Variants in C16orf90 observed in about 807,000 individuals in gnomAD.
C16orf90 encodes the protein chromosome 16 open reading frame 90.
A neutral mutation model predicts 17.1 loss-of-function variants in C16orf90; 17 were observed. The observed-to-expected ratio is 1.00, with a 90% CI of 0.68 to 1.49. The LOEUF (loss-of-function observed/expected upper bound fraction) is 1.49, where lower values mean the gene tolerates loss of function less well. Among genes scored for constraint, C16orf90 ranks in the 40% most tolerant of loss-of-function variants. The pLI, the probability that C16orf90 is intolerant of heterozygous loss-of-function variation, is 0.00. For synonymous variants in C16orf90, 108 were observed against 95.8 expected, an observed-to-expected ratio of 1.13 and a Z score of -0.75; for missense variants, 255 against 235.5, an observed-to-expected ratio of 1.08 and a Z score of -0.54.
At chr16:3,494,366 G>C (rs543771814) in intron 2 of C16orf90, among the ~76,000 whole-genome samples, 158 bp downstream of exon 2, 17 of 152,184 alleles carry the variant, frequency 1.1e-4, no homozygotes, top group African/African-American at 3.1e-4. Flanking sequence ...TTAGCTGTGC[G>C]TGATGCAGAG....
At chr16:3,495,322 G>C (rs984990493) in intron 1 of C16orf90, 54 bp downstream of exon 1, 3 of 1,565,470 alleles carry the variant, frequency 1.9e-6, no homozygotes, top group East Asian at 4.7e-5. Flanking sequence ...TTTGGGCCCA[G>C]GTGGGGACAG....
At chr16:3,495,601 G>A, upstream of C16orf90, 1 of 1,342,804 alleles carries the variant, frequency 7.4e-7, no homozygotes, top group Non-Finnish European at 9.9e-7. Flanking sequence ...CAAGGCAAGG[G>A]CAGGGTGAAA....
rs946061681 is a variant in C16orf90 at position 3,495,481 on chromosome 16, C to A, written c.-60G>T. 5.0e-6 allele frequency: 8 copies of A among 1,584,746 alleles called. No homozygotes were observed. In the African/African-American group the frequency reaches 1.1e-4, roughly 21 times the overall value. On this transcript the variant is annotated 5_prime_UTR_variant, in exon 1 of 3. Coordinates refer to ENST00000437192, the MANE Select transcript of C16orf90 (RefSeq NM_001080524.2). ...CTTGGGTGCAGCAGGGCCCTGCTCT[C>A]CCCTGCCTAGGGGGTACATTGGCAG...
chr16:3,494,394 A>C, intron 2 of C16orf90, 130 bp downstream of exon 2: 1 of 740,924 alleles, frequency 1.3e-6, no homozygotes, highest in Non-Finnish European at 2.3e-6. Flanking sequence ...CAGATTCATC[A>C]AGATCTTGGC....
rs1422183341 is a variant in C16orf90 at position 3,494,629 on chromosome 16, T to C, written c.295A>G (p.Thr99Ala). Residue 99 changes from threonine (T) to alanine (A), a missense_variant, in exon 2 of 3, where the codon ACA becomes GCA. Physicochemically the swap from Thr to Ala is moderately conservative, Grantham distance 58. Coordinates refer to ENST00000437192, the MANE Select transcript of C16orf90 (RefSeq NM_001080524.2). ...TGTGGCAGGTCCAGGGCCCAGGCTGTGCCCTCAGGCTGTGGCAGGCAGCCC... is the reference window on the plus strand; with the variant it reads ...TGTGGCAGGTCCAGGGCCCAGGCTGCGCCCTCAGGCTGTGGCAGGCAGCCC... ...AGGCLPQPEG[T>A]AWALDLPQGT... The C allele has an allele frequency of 3.1e-6, 5 of 1,611,904 alleles. No homozygotes were observed. In the African/African-American group the frequency reaches 4.0e-5, roughly 13 times the overall value.
At chr16:3,495,010 G>T in intron 1 of C16orf90, 133 bp from the exon 2 acceptor site, 1 of 702,894 alleles carries the variant, frequency 1.4e-6, no homozygotes, top group Non-Finnish European at 2.3e-6. Flanking sequence ...CAGTTTACCT[G>T]TGTGTCAAAT....
chr16:3,495,857 G>C (rs2037301444), upstream of C16orf90, among the ~76,000 whole-genome samples: 1 of 152,184 alleles, frequency 6.6e-6, no homozygotes, highest in South Asian at 2.1e-4. Flanking sequence ...TGTAATCCCA[G>C]CACTGTGGGA....
chr16:3,493,734 C>G lies in C16orf90; in HGVS notation c.*105G>C, dbSNP rs75072041. On this transcript the variant is annotated 3_prime_UTR_variant, in exon 3 of 3. Coordinates refer to ENST00000437192, the MANE Select transcript of C16orf90 (RefSeq NM_001080524.2). ...CCTGGGCGCTGGGCCGCTGCCTGGG[C>G]CACCCCATGTGGCAGGGCCACTGCC... 0.031 allele frequency: 37,149 copies of G among 1,190,728 alleles called. 1,295 individuals carry two copies. The highest frequency in any genetic ancestry group is 0.15 in the African/African-American group (9,641 of 65,328). The allele number at this position is 1,190,728 out of a possible 1,614,324, so 73.8% of individuals were successfully genotyped here.
chr16:3,494,533 C>G lies in C16orf90; in HGVS notation c.391G>C (p.Gly131Arg). The change falls in exon 2 of 3, where the codon GGA (glycine) becomes CGA (arginine). Residue 131 changes from glycine (G) to arginine (R), a missense_variant. Physicochemically the swap from Gly to Arg is moderately radical, Grantham distance 125. Transcript: ENST00000437192. ...LEARLPRDSL[G>R]SSASSSSMDP... ...CCTTGACAGAGCTCACCACTGCTTC[C>G]CAGGCTGTCCCTGGGCAATCGGGCT... 3 of 1,612,742 alleles carry G rather than the reference C, an allele frequency of 1.9e-6. No individual in the cohort carries two copies. The highest frequency in any genetic ancestry group is 2.5e-6 in the Non-Finnish European group (3 of 1,179,764).
chr16:3,493,852 A>G lies in C16orf90; in HGVS notation c.536T>C (p.Leu179Pro). Residue 179 changes from leucine (L) to proline (P), a missense_variant, in exon 3 of 3, where the codon CTG (leucine) becomes CCG (proline). Transcript: ENST00000437192. ...PLCKRTRSGA[L>P]ERP ...CACTCGGGATCCCTATGGCCTCTCC[A>G]GGGCCCCAGAGCGGGTTCTCTTGCA... 2 of 1,602,888 alleles carry G rather than the reference A, an allele frequency of 1.2e-6. No individual in the cohort carries two copies. The highest frequency in any genetic ancestry group is 8.5e-7 in the Non-Finnish European group (1 of 1,175,230).
rs756364790 is a variant in C16orf90, at chr16:3,493,632, A to G, written c.*207T>C. 30 of 474,194 alleles carry G rather than the reference A, an allele frequency of 6.3e-5. No homozygotes were observed. Among genetic ancestry groups the G allele is most frequent in the Non-Finnish European group, 1.1e-4 (29 of 259,950 alleles). 29.4% of individuals were successfully genotyped at this position (474,194 alleles called of 1,614,324 possible). A position where few individuals can be genotyped will look rare whatever the true frequency, so the allele number is the denominator to read the frequency against. On this transcript the variant is annotated 3_prime_UTR_variant, in exon 3 of 3. Transcript: ENST00000437192. ...CTAAGCAGGCTGCAAGGGCACGGCC[A>G]TGCTTCTATTGCTTCTGCCCCTCCC...
At chr16:3,495,243 G>A (rs879657092) in intron 1 of C16orf90, 133 bp downstream of exon 1, 40 of 1,044,116 alleles carry the variant, frequency 3.8e-5, no homozygotes, top group Non-Finnish European at 5.5e-5. Context: ...CCAGCCCAGG[G>A]GCTCATGGCC....
In C16orf90 at chr16:3,494,894, G is replaced by A. The variant is rs376670739; in HGVS notation, c.47-17C>T. 373 of 1,488,718 alleles carry A rather than the reference G, an allele frequency of 2.5e-4. No homozygotes were observed. The highest frequency in any genetic ancestry group is 3.8e-4 in the South Asian group (28 of 74,048). 92.2% of individuals were successfully genotyped at this position (1,488,718 alleles called of 1,614,324 possible). The stretch of plus-strand genomic sequence containing the variant: ...TCACTGCATCTGCAGAGGAGACAGC[G>A]GGAGGGTGGTGGCCAGCCCCCCACA... On this transcript the variant is annotated splice_polypyrimidine_tract_variant and intron_variant, in intron 1 of 2. Coordinates refer to ENST00000437192, the MANE Select transcript of C16orf90 (RefSeq NM_001080524.2).
upstream of C16orf90, among the ~76,000 whole-genome samples, chr16:3,495,800 G>A (rs896839270): frequency 2.6e-5 from 4 of 152,032 alleles, no homozygotes. Context: ...GACCTAGGTC[G>A]GTACTTTGAA....
intron 2 of C16orf90, 109 bp from the exon 3 acceptor site, chr16:3,494,096 A>G: frequency 1.1e-6 from 1 of 930,960 alleles, no homozygotes; most frequent in Non-Finnish European, 1.6e-6. Context: ...TTGAAAACAG[A>G]AGGGAGGAGG....
At chr16:3,494,491 C>T (rs1474960817) in intron 2 of C16orf90, 33 bp downstream of exon 2, 2 of 1,581,826 alleles carry the variant, frequency 1.3e-6, no homozygotes, top group African/African-American at 2.7e-5. Flanking sequence ...TAGGGTCTTC[C>T]CCCGTGCCCA....
In C16orf90 at chr16:3,494,512, G is replaced by C. The variant is rs61731450; in HGVS notation, c.400+12C>G. On this transcript the variant is annotated intron_variant, in intron 2 of 2. Coordinates refer to ENST00000437192, the MANE Select transcript of C16orf90 (RefSeq NM_001080524.2). ...CTTCCCCCGTGCCCAGTCCTGCCTT[G>C]ACAGAGCTCACCACTGCTTCCCAGG... 0.01 allele frequency: 16,700 copies of C among 1,610,568 alleles called. 314 individuals are homozygous for C. The highest frequency in any genetic ancestry group is 0.054 in the African/African-American group (4,057 of 74,988).
In C16orf90 at chr16:3,494,765, C is replaced by T. The variant is rs758707202; in HGVS notation, c.159G>A (p.Lys53=). 1.9e-6 allele frequency: 3 copies of T among 1,601,902 alleles called. No individual in the cohort carries two copies. Among genetic ancestry groups the T allele is most frequent in the South Asian group, 1.1e-5 (1 of 90,882 alleles). Residue 53 remains lysine, a synonymous_variant, in exon 2 of 3, where the codon AAG becomes AAA. Coordinates refer to ENST00000437192, the MANE Select transcript of C16orf90 (RefSeq NM_001080524.2). ...QPQCPSAQGS[K]PKNFRLRHLR... Reference sequence around the variant, plus strand: ...GGTGGCGCAGCCGGAAGTTCTTGGGCTTGCTTCCCTGGGCACTGGGGCACT... The same window carrying T: ...GGTGGCGCAGCCGGAAGTTCTTGGGTTTGCTTCCCTGGGCACTGGGGCACT...
chr16:3,494,831 G>C lies in C16orf90; in HGVS notation c.93C>G (p.Pro31=). ...CCAGGCCCCCCTCGTAGATGTTGGG[G>C]GGTGCGTCAGGGTGGCCGGGGCGTC... ...AQGRPGHPDA[P]PNIYEGGLGS... is the part of the protein sequence containing the mutation. Residue 31 remains proline, a synonymous_variant, in exon 2 of 3, where the codon CCC becomes CCG. Transcript: ENST00000437192. 6.5e-7 allele frequency: 1 copy of C among 1,542,724 alleles called. No individual in the cohort carries two copies.
Sources: gnomAD v4.1 joint callset for allele counts (sites outside exome capture counted in the v4.1 genomes callset) on GRCh38, gnomAD v4.1.1 for gene constraint, MANE v1.5 for transcripts, NCBI Gene and HGNC (gene_info 2026-07-23, HGNC 2026-07-21) for gene names.